The following MSRB3 variants were observed in gnomAD, a reference collection of about 807,000 sequenced individuals.
MSRB3 encodes methionine-R-sulfoxide reductase B3.
A neutral mutation model predicts 21.0 loss-of-function variants in MSRB3; 13 were observed. The ratio of observed to expected loss-of-function variants is 0.62; its 90% CI spans 0.40 to 0.98. MSRB3 has a LOEUF of 0.98. MSRB3 is among the 50% of genes least tolerant of loss of function. The probability of loss-of-function intolerance (pLI) is 0.00; values close to 1 mark genes in which losing one functional copy is unlikely to be tolerated. For missense variants in MSRB3, 199 were observed against 230.3 expected, an observed-to-expected ratio of 0.86 and a Z score of 0.88; for synonymous variants, 87 against 88.6, an observed-to-expected ratio of 0.98 and a Z score of 0.10.
intron 5 of MSRB3, among the ~76,000 whole-genome samples, chr12:65,369,747 C>T (rs1389021580): frequency 3.3e-5 from 5 of 152,088 alleles, no homozygotes; most frequent in African/African-American, 7.2e-5. Flanking sequence ...AAAGGAATTA[C>T]GTATGCCCTT....
chr12:65,311,503 T>A (rs1324280993), intron 2 of MSRB3, among the ~76,000 whole-genome samples: 1 of 152,042 alleles, frequency 6.6e-6, no homozygotes, highest in East Asian at 1.9e-4. Context: ...TATAGAAATG[T>A]TGAAGAAATT....
intron 6 of MSRB3, among the ~76,000 whole-genome samples, chr12:65,460,155 C>G (rs575795758): frequency 6.6e-6 from 1 of 152,378 alleles, no homozygotes; most frequent in African/African-American, 2.4e-5. Context: ...CTTCATCGAG[C>G]AACCAGTTTG....
At chr12:65,426,294 T>C (rs1386875308) in intron 5 of MSRB3, among the ~76,000 whole-genome samples, 1 of 152,188 alleles carries the variant, frequency 6.6e-6, no homozygotes, top group African/African-American at 2.4e-5. Context: ...GTTTATCTCT[T>C]CTTTACTTCT....
rs11834222 is a variant in MSRB3 at position 65,327,851 on chromosome 12, C to T, written c.186-675C>T. 4.7e-3 allele frequency among the ~76,000 whole-genome samples: 712 copies of T among 152,276 alleles called. 6 individuals are homozygous for T. The highest frequency in any genetic ancestry group is 0.015 in the African/African-American group (638 of 41,560). ...AGCAGTGGACTTCAGTCTCAGCTTG[C>T]GAGGATTTCTATCCGTTCTGTTGTG... On this transcript the variant is annotated intron_variant, in intron 3 of 6. Transcript: ENST00000308259.
chr12:65,448,785 AT>A (rs1882730212), intron 5 of MSRB3, among the ~76,000 whole-genome samples: 1 of 152,356 alleles, frequency 6.6e-6, no homozygotes, highest in African/African-American at 2.4e-5. Flanking sequence ...AGACAGCAGC[AT>A]AAGCACATTT....
At chr12:65,314,930 C>A (rs1319046114) in intron 2 of MSRB3, among the ~76,000 whole-genome samples, 2 of 152,084 alleles carry the variant, frequency 1.3e-5, no homozygotes, top group Non-Finnish European at 2.9e-5. Context: ...TAAACATATT[C>A]ACAATAATGT....
intron 5 of MSRB3, among the ~76,000 whole-genome samples, chr12:65,392,409 A>G (rs570103045): frequency 6.6e-6 from 1 of 152,326 alleles, no homozygotes; most frequent in South Asian, 2.1e-4. Flanking sequence ...AAAAGAGTGA[A>G]TCAAGGACTG....
chr12:65,398,342 G>A (rs1377796008), intron 5 of MSRB3, among the ~76,000 whole-genome samples: 1 of 152,118 alleles, frequency 6.6e-6, no homozygotes, highest in Non-Finnish European at 1.5e-5. Flanking sequence ...GTTTTGATTT[G>A]CATTTCTCTA....
chr12:65,315,143 T>G (rs1056437594), intron 2 of MSRB3, among the ~76,000 whole-genome samples: 7 of 152,214 alleles, frequency 4.6e-5, no homozygotes, highest in African/African-American at 1.4e-4. Flanking sequence ...GAATTTCTCA[T>G]AACTGCTTCT....
rs753056871 is a variant in MSRB3 at position 65,465,419 on chromosome 12, TG to T, written c.*2098del. 5 of 152,294 alleles carry T rather than the reference TG, an allele frequency of 3.3e-5. No individual in the cohort carries two copies. The highest frequency in any genetic ancestry group is 7.4e-5 in the Non-Finnish European group (5 of 68,008). The allele number at this position is 152,294 out of a possible 1,614,324, so 9.4% of individuals were successfully genotyped here. A position where few individuals can be genotyped will look rare whatever the true frequency, so the allele number is the denominator to read the frequency against. ...GTTTATGAAGACTGACAGCTTTCCT[TG>T]TAAGCACTAAGAGAAAAAAAAGAAA... On this transcript the variant is annotated 3_prime_UTR_variant, in exon 7 of 7. Coordinates refer to ENST00000308259, the MANE Select transcript of MSRB3 (RefSeq NM_001031679.3).
At chr12:65,414,334 G>T (rs1367162519) in intron 5 of MSRB3, among the ~76,000 whole-genome samples, 1 of 152,144 alleles carries the variant, frequency 6.6e-6, no homozygotes, top group Non-Finnish European at 1.5e-5. Context: ...AGGTATGGTA[G>T]ATTTCCAGAT....
intron 2 of MSRB3, among the ~76,000 whole-genome samples, chr12:65,318,948 C>G (rs1011413989): frequency 6.6e-6 from 1 of 152,036 alleles, no homozygotes; most frequent in African/African-American, 2.4e-5. Context: ...TGGCTTCTAT[C>G]GTACAGTCAT....
intron 5 of MSRB3, among the ~76,000 whole-genome samples, chr12:65,442,458 T>A (rs1430288778): frequency 6.6e-6 from 1 of 152,060 alleles, no homozygotes; most frequent in African/African-American, 2.4e-5. Flanking sequence ...TAGTCTGAAT[T>A]GCATGTTGCT....
intron 5 of MSRB3, among the ~76,000 whole-genome samples, chr12:65,399,114 T>C (rs927981280): frequency 3.9e-5 from 6 of 152,208 alleles, no homozygotes. Context: ...CATATGAAAC[T>C]TAAAGTAGTT....
chr12:65,342,140 C>T (rs1252799246), intron 4 of MSRB3, among the ~76,000 whole-genome samples: 1 of 151,306 alleles, frequency 6.6e-6, no homozygotes, highest in African/African-American at 2.4e-5. Flanking sequence ...AGATAAAAGA[C>T]ATTGGATTGG....
chr12:65,428,400 A>G (rs530884487), intron 5 of MSRB3, among the ~76,000 whole-genome samples: 2 of 151,760 alleles, frequency 1.3e-5, no homozygotes, highest in Non-Finnish European at 2.9e-5. Flanking sequence ...ATAGCTGTCT[A>G]TGTTTATTTT....
intron 4 of MSRB3, among the ~76,000 whole-genome samples, chr12:65,365,202 A>T (rs1877940212): frequency 6.6e-6 from 1 of 152,000 alleles, no homozygotes; most frequent in Admixed American, 6.6e-5. Context: ...CTTTTTAATA[A>T]TTCTTAAGTC....
chr12:65,323,362 G>A (rs967573858), intron 2 of MSRB3, among the ~76,000 whole-genome samples: 9 of 152,144 alleles, frequency 5.9e-5, no homozygotes, highest in Non-Finnish European at 1.3e-4. Flanking sequence ...AAATATCCTT[G>A]GACTATGTTC....
intron 6 of MSRB3, among the ~76,000 whole-genome samples, chr12:65,458,940 A>C (rs1291208036): frequency 6.6e-6 from 1 of 152,230 alleles, no homozygotes; most frequent in Non-Finnish European, 1.5e-5. Context: ...CCTGTTAAGC[A>C]ACGCTTTGTC....
Sources: gnomAD v4.1 joint callset for allele counts (sites outside exome capture counted in the v4.1 genomes callset) on GRCh38, gnomAD v4.1.1 for gene constraint, MANE v1.5 for transcripts, NCBI Gene and HGNC (gene_info 2026-07-23, HGNC 2026-07-21) for gene names.